NR2F1-AS1: variants seen among roughly 807,000 people sequenced by gnomAD.
NR2F1-AS1 encodes the protein NR2F1 antisense RNA 1.
At chr5:93,582,128 T>C (rs1187985166), upstream of NR2F1-AS1, among the ~76,000 whole-genome samples, 7 of 103,040 alleles carry the variant, frequency 6.8e-5, no homozygotes, top group African/African-American at 2.2e-4. Context: ...CCTCCCCCCC[T>C]CTCCATCTTC....
chr5:93,466,728 T>C lies in NR2F1-AS1; in HGVS notation n.639-71186A>G, dbSNP rs1328727509. Among the ~76,000 whole-genome samples, 52 of 152,072 alleles carry C rather than the reference T, an allele frequency of 3.4e-4. 1 individual carries two copies. The highest frequency in any genetic ancestry group is 3.3e-3 in the Admixed American group (50 of 15,262). On this transcript the variant is annotated intron_variant and non_coding_transcript_variant, in intron 4 of 5. Transcript: ENST00000660523. ...AGAGTAGATCTGATATTCCTTTACA[T>C]GTCAAAAAGAACATTGACATCATCC...
chr5:93,580,255 G>A (rs1752992391), intron 1 of NR2F1-AS1, among the ~76,000 whole-genome samples: 1 of 152,234 alleles, frequency 6.6e-6, no homozygotes, highest in South Asian at 2.1e-4. Context: ...AGGAGGCGCG[G>A]CGGCCGCGAT....
intron 1 of NR2F1-AS1, among the ~76,000 whole-genome samples, chr5:93,573,132 CAG>C (rs1561512646): frequency 6.6e-6 from 1 of 152,226 alleles, no homozygotes; most frequent in Non-Finnish European, 1.5e-5. Flanking sequence ...CGTTTTTGCG[CAG>C]AGAAGTAGTC....
chr5:93,417,967 C>T (rs890596094), intron 4 of NR2F1-AS1, among the ~76,000 whole-genome samples: 1 of 152,180 alleles, frequency 6.6e-6, no homozygotes, highest in African/African-American at 2.4e-5. Context: ...AGTCCCACAA[C>T]TCTGTCAAGT....
At chr5:93,430,207 C>T (rs146317134) in intron 4 of NR2F1-AS1, among the ~76,000 whole-genome samples, 7 of 152,262 alleles carry the variant, frequency 4.6e-5, no homozygotes, top group Non-Finnish European at 8.8e-5. Flanking sequence ...CTCAAAGTGG[C>T]GGGGGATGTC....
chr5:93,576,052 G>C (rs1409128835), intron 1 of NR2F1-AS1, among the ~76,000 whole-genome samples: 1 of 152,170 alleles, frequency 6.6e-6, no homozygotes, highest in Non-Finnish European at 1.5e-5. Context: ...TTTCCATTAA[G>C]AGCGATTAGA....
chr5:93,409,625 G>A (rs1280042534), intron 4 of NR2F1-AS1: 1 of 152,224 alleles, frequency 6.6e-6, no homozygotes, highest in East Asian at 1.9e-4. Context: ...ACGACCAGGA[G>A]TTTGGGAGTG....
intron 4 of NR2F1-AS1, among the ~76,000 whole-genome samples, chr5:93,460,972 C>G (rs926151727): frequency 6.6e-6 from 1 of 152,174 alleles, no homozygotes; most frequent in African/African-American, 2.4e-5. Context: ...ACCCAGCAGT[C>G]CCATTACTGG....
At chr5:93,436,651 T>C (rs1001107801) in intron 4 of NR2F1-AS1, among the ~76,000 whole-genome samples, 19 of 152,202 alleles carry the variant, frequency 1.2e-4, no homozygotes, top group Non-Finnish European at 5.9e-5. Flanking sequence ...TTTAGGTTTT[T>C]GAGATGCTTC....
chr5:93,551,878 C>T (rs1392682819), intron 4 of NR2F1-AS1, among the ~76,000 whole-genome samples: 1 of 152,020 alleles, frequency 6.6e-6, no homozygotes, highest in Admixed American at 6.6e-5. Flanking sequence ...ACATTGACTC[C>T]AAGAAACTAG....
At chr5:93,546,924 T>C (rs1444772734) in intron 4 of NR2F1-AS1, among the ~76,000 whole-genome samples, 1 of 152,204 alleles carries the variant, frequency 6.6e-6, no homozygotes, top group Non-Finnish European at 1.5e-5. Context: ...TAAAAGAGAT[T>C]AACTTTTAAT....
intron 4 of NR2F1-AS1, among the ~76,000 whole-genome samples, chr5:93,505,802 G>C (rs1278552004): frequency 6.6e-6 from 1 of 152,202 alleles, no homozygotes; most frequent in Non-Finnish European, 1.5e-5. Context: ...GGGCCTCCAG[G>C]CTTGTGATGG....
intron 4 of NR2F1-AS1, among the ~76,000 whole-genome samples, chr5:93,465,498 A>G (rs1750209202): frequency 6.6e-6 from 1 of 152,230 alleles, no homozygotes; most frequent in Admixed American, 6.5e-5. Flanking sequence ...TAGTTCAACT[A>G]TTGTGGAAGA....
intron 4 of NR2F1-AS1, among the ~76,000 whole-genome samples, chr5:93,429,395 G>T (rs1432761850): frequency 6.6e-6 from 1 of 152,036 alleles, no homozygotes; most frequent in Non-Finnish European, 1.5e-5. Flanking sequence ...TGCCATATTT[G>T]CACAGCTTAC....
intron 2 of NR2F1-AS1, among the ~76,000 whole-genome samples, chr5:93,557,218 C>T (rs1289313186): frequency 1.3e-5 from 2 of 152,136 alleles, no homozygotes; most frequent in South Asian, 2.1e-4. Context: ...AGAGCTGCTT[C>T]GTGAATTTTC....
At chr5:93,422,225 A>C (rs751519201) in intron 4 of NR2F1-AS1, 1 of 152,086 alleles carries the variant, frequency 6.6e-6, no homozygotes, top group African/African-American at 2.4e-5. Flanking sequence ...ACGACCCCCT[A>C]TTTTTCCCAT....
intron 4 of NR2F1-AS1, chr5:93,422,248 C>T (rs1010409318): frequency 6.6e-6 from 1 of 152,316 alleles, no homozygotes; most frequent in African/African-American, 2.4e-5. Context: ...GCTTCTGGCT[C>T]ACCTACATCC....
At chr5:93,519,442 T>C (rs1177836822) in intron 4 of NR2F1-AS1, among the ~76,000 whole-genome samples, 1 of 152,062 alleles carries the variant, frequency 6.6e-6, no homozygotes, top group Admixed American at 6.6e-5. Context: ...ACACTAATAT[T>C]CACATACGTG....
intron 4 of NR2F1-AS1, among the ~76,000 whole-genome samples, chr5:93,482,920 G>A (rs1750632643): frequency 6.6e-6 from 1 of 152,172 alleles, no homozygotes; most frequent in Non-Finnish European, 1.5e-5. Flanking sequence ...TCTCTGGGCA[G>A]GGCATCTCTG....
Sources: gnomAD v4.1 joint callset for allele counts (sites outside exome capture counted in the v4.1 genomes callset) on GRCh38, gnomAD v4.1.1 for gene constraint, MANE v1.5 for transcripts, NCBI Gene and HGNC (gene_info 2026-07-23, HGNC 2026-07-21) for gene names.